The following POLR1C variants were observed in gnomAD, a reference collection of about 807,000 sequenced individuals.
The protein encoded by POLR1C is DNA-directed RNA polymerases I and III subunit RPAC1.
A neutral mutation model predicts 38.3 loss-of-function variants in POLR1C; 42 were observed. The observed-to-expected ratio is 1.10, with a 90% CI of 0.86 to 1.42. The LOEUF (loss-of-function observed/expected upper bound fraction) is 1.42. Ranked by LOEUF, POLR1C falls within the 40% of genes most tolerant of loss-of-function variation. The probability of loss-of-function intolerance (pLI) is 0.00; values close to 1 mark genes in which losing one functional copy is unlikely to be tolerated. For synonymous variants in POLR1C, 163 were observed against 163.9 expected (o/e 0.99, Z 0.04); for missense variants, 507 against 450.5 (o/e 1.13, Z -1.14).
chr6:43,535,683 G>A (rs977061180), intron 9 of POLR1C, among the ~76,000 whole-genome samples: 6 of 151,698 alleles, frequency 4.0e-5, no homozygotes, highest in Non-Finnish European at 8.8e-5. Flanking sequence ...ACATGGTGGC[G>A]GGCGCCTGTA....
At chr6:43,527,839 C>T in intron 8 of POLR1C, 1 of 1,211,346 alleles carries the variant, frequency 8.3e-7, no homozygotes, top group Non-Finnish European at 1.2e-6. Flanking sequence ...TCCTTTGGGT[C>T]TTCGTTTTAT....
At chr6:43,552,414 G>A (rs1225055024) in intron 10 of POLR1C, among the ~76,000 whole-genome samples, 1 of 150,948 alleles carries the variant, frequency 6.6e-6, no homozygotes, top group Non-Finnish European at 1.5e-5. Flanking sequence ...GTGCACTGGC[G>A]TGATTTTGGC....
At chr6:43,537,270 C>A (rs989949899) in intron 9 of POLR1C, among the ~76,000 whole-genome samples, 2 of 152,036 alleles carry the variant, frequency 1.3e-5, no homozygotes, top group African/African-American at 4.8e-5. Context: ...CTATTCCCAG[C>A]CATCTTTTTC....
chr6:43,557,519 G>A (rs1306054485), intron 10 of POLR1C, among the ~76,000 whole-genome samples: 1 of 152,112 alleles, frequency 6.6e-6, no homozygotes, highest in Non-Finnish European at 1.5e-5. Flanking sequence ...AATAGACCAT[G>A]TATGATTCAA....
chr6:43,553,526 TAC>T (rs111634867), intron 10 of POLR1C: 70,750 of 943,930 alleles, frequency 0.075, 215 homozygotes, highest in East Asian at 0.15. Context: ...CACACACACA[TAC>T]ACACACACAC....
In POLR1C at chr6:43,520,926, C is replaced by G; in HGVS notation, c.806-6C>G. On this transcript the variant is annotated splice_polypyrimidine_tract_variant and splice_region_variant and intron_variant, in intron 7 of 8. Transcript: ENST00000642195. ...GGAATAAAAAAACATGGTTTGTTCT[C>G]ATTAGGTAAAAAGGTGGCCAGAGTT... 1 of 1,612,904 alleles carries G rather than the reference C, an allele frequency of 6.2e-7. No individual in the cohort carries two copies. Among genetic ancestry groups the G allele is most frequent in the Non-Finnish European group, 8.5e-7 (1 of 1,178,900 alleles).
downstream of POLR1C, among the ~76,000 whole-genome samples, chr6:43,534,574 C>G (rs1308757123): frequency 1.3e-5 from 2 of 152,220 alleles, no homozygotes; most frequent in East Asian, 3.8e-4. Flanking sequence ...TACCCGCTGT[C>G]CACAGCACTC....
intron 10 of POLR1C, chr6:43,561,155 T>C (rs1018196651): frequency 4.6e-6 from 3 of 646,494 alleles, no homozygotes; most frequent in East Asian, 2.7e-5. Context: ...AAGAAAGGCA[T>C]CACTTCAAGG....
chr6:43,528,867 T>C, intron 8 of POLR1C: 1 of 1,613,946 alleles, frequency 6.2e-7, no homozygotes, highest in Non-Finnish European at 8.5e-7. Flanking sequence ...GGATGGGGGA[T>C]ACCAGGGCTT....
At position 43,536,125 on chromosome 6, in the gene POLR1C, G is replaced by C. The variant is rs542535476; in HGVS notation, c.*4+6766G>C. Among the ~76,000 whole-genome samples, 3 of 147,198 alleles carry C rather than the reference G, an allele frequency of 2.0e-5. No homozygotes were observed. In the South Asian group the frequency reaches 6.5e-4, roughly 32 times the overall value. ...TCCCTCTCAAAAAAAAAAGTCATTC[G>C]CTACCCTGGCCAGGCACAGTGACTC... On this transcript the variant is annotated intron_variant, in intron 9 of 10. Transcript: ENST00000607635.
At position 43,517,317 on chromosome 6, in the gene POLR1C, TG is replaced by T. The variant is rs775303064; in HGVS notation, c.82del (p.Asp28ThrfsTer26). On this transcript the variant is annotated frameshift_variant, in exon 2 of 9. Coordinates refer to ENST00000642195, the MANE Select transcript of POLR1C (RefSeq NM_203290.4). LOFTEE classifies it high-confidence loss of function. ...TCCCTTTGCTCTAGGTCCATACTAC[TG>T]ACTTTCCCGGTAACTATTCCGGTTA... ...EFGVRNVHTT[D>X]FPGNYSGYDD... 6.8e-6 allele frequency: 11 copies of T among 1,614,014 alleles called. No individual in the cohort carries two copies. The highest frequency in any genetic ancestry group is 9.3e-6 in the Non-Finnish European group (11 of 1,180,012).
chr6:43,555,702 C>T, intron 10 of POLR1C: 1 of 1,118,346 alleles, frequency 8.9e-7, no homozygotes, highest in Admixed American at 3.2e-5. Flanking sequence ...GCTCCCTCTC[C>T]AGGATGAGCA....
chr6:43,542,941 T>G (rs909309810), intron 9 of POLR1C, among the ~76,000 whole-genome samples: 1 of 152,182 alleles, frequency 6.6e-6, no homozygotes, highest in Non-Finnish European at 1.5e-5. Flanking sequence ...CAGCATGATA[T>G]GTAATATTAA....
chr6:43,517,255 T>G, intron 1 of POLR1C, 51 bp from the exon 2 acceptor site: 1 of 1,604,990 alleles, frequency 6.2e-7, no homozygotes. Flanking sequence ...GGCGTGGGGA[T>G]AGCTGTGGGC....
At chr6:43,561,113 T>C in intron 10 of POLR1C, 1 of 948,060 alleles carries the variant, frequency 1.1e-6, no homozygotes, top group Non-Finnish European at 1.7e-6. Flanking sequence ...AAAAATGTTG[T>C]TTCAAAAGGA....
Position 43,541,088 on chromosome 6 carries a change from T to A in POLR1C, c.*5-9880T>A, listed in dbSNP as rs536317092. On this transcript the variant is annotated intron_variant, in intron 9 of 10. Transcript: ENST00000607635. ...ATGGACATACAGAGTGTAAGGATGG[T>A]TAGCAGAGGGGCTGGGGAGGGTAGT... Among the ~76,000 whole-genome samples the A allele has an allele frequency of 3.3e-4, 51 of 152,260 alleles. No individual in the cohort carries two copies. In the Middle Eastern group the frequency reaches 0.01, roughly 30 times the overall value.
At chr6:43,562,252 A>C (rs750304085) in exon 11 of POLR1C, 2 of 1,605,256 alleles carry the variant, frequency 1.2e-6, no homozygotes, top group South Asian at 1.1e-5. Context: ...CTCACCAGCA[A>C]TGCACACAGC....
rs564123363 is a variant in POLR1C at position 43,519,777 on chromosome 6, T to A, written c.321T>A (p.Ala107=). Residue 107 remains alanine, a synonymous_variant, in exon 4 of 9, where the codon GCT becomes GCA. Transcript: ENST00000642195. ...NTSIVQDEIL[A]HRLGLIPIHA... ...CCATTGTTCAGGATGAGATTCTTGCTCACCGTCTGGGGCTCATTCCCATTC... is the reference window on the plus strand; with the variant it reads ...CCATTGTTCAGGATGAGATTCTTGCACACCGTCTGGGGCTCATTCCCATTC... The A allele has an allele frequency of 6.1e-5, 98 of 1,614,198 alleles. 1 individual carries two copies. The South Asian group carries it at 9.4e-4, about 16-fold the overall frequency.
chr6:43,533,872 A>G, downstream of POLR1C: 1 of 1,508,164 alleles, frequency 6.6e-7, no homozygotes, highest in East Asian at 2.4e-5. Flanking sequence ...TAGGGATAAG[A>G]TAAACCTTAG....
Sources: gnomAD v4.1 joint callset for allele counts (sites outside exome capture counted in the v4.1 genomes callset) on GRCh38, gnomAD v4.1.1 for gene constraint, MANE v1.5 for transcripts, NCBI Gene and HGNC (gene_info 2026-07-23, HGNC 2026-07-21) for gene names.